The following PAXIP1 variants were observed in gnomAD, a reference collection of about 807,000 sequenced individuals.
PAXIP1 encodes the protein PAX-interacting protein 1.
Under a neutral mutation model 140.6 loss-of-function variants are expected in PAXIP1, and 19 were observed. That is an observed-to-expected ratio of 0.14 (90% confidence interval 0.09 to 0.20). PAXIP1 has a LOEUF of 0.20. Ranked by LOEUF, PAXIP1 falls within the 10% of genes least tolerant of loss-of-function variation. The pLI, the probability that PAXIP1 is intolerant of heterozygous loss-of-function variation, is 1.00. For missense variants in PAXIP1, 920 were observed against 1,208.6 expected (o/e 0.76, Z 3.54); for synonymous variants, 442 against 444.6 (o/e 0.99, Z 0.07).
At chr7:154,982,863 C>T (rs1247112436) in intron 5 of PAXIP1, among the ~76,000 whole-genome samples, 2 of 151,878 alleles carry the variant, frequency 1.3e-5, no homozygotes, top group Non-Finnish European at 2.9e-5. Context: ...ATACCTGATA[C>T]AAGGTTCTTA....
chr7:154,961,666 A>G lies in PAXIP1; in HGVS notation c.2128-18T>C. ...GAAATAATCTAAGAAAAAAAGAGAA[A>G]ATAAGGTAAACACAAAATAAGCAAA... On this transcript the variant is annotated intron_variant, in intron 10 of 20. Transcript: ENST00000404141. 1 of 1,565,892 alleles carries G rather than the reference A, an allele frequency of 6.4e-7. No individual in the cohort carries two copies. Among genetic ancestry groups the G allele is most frequent in the Non-Finnish European group, 8.7e-7 (1 of 1,155,898 alleles).
At chr7:154,964,134 C>T (rs1372909125) in intron 8 of PAXIP1, 1 of 175,194 alleles carries the variant, frequency 5.7e-6, no homozygotes. Flanking sequence ...CCACCCTATG[C>T]CAGCAGCAGC....
At chr7:154,994,682 T>C (rs1296813823) in intron 2 of PAXIP1, among the ~76,000 whole-genome samples, 1 of 152,166 alleles carries the variant, frequency 6.6e-6, no homozygotes, top group Non-Finnish European at 1.5e-5. Context: ...CCCCTTATCA[T>C]TTTTTAGATG....
chr7:154,980,395 T>TAC (rs34367535), intron 5 of PAXIP1, among the ~76,000 whole-genome samples: 1 of 90,096 alleles, frequency 1.1e-5, no homozygotes, highest in Non-Finnish European at 2.7e-5. Context: ...AATATATGCT[T>TAC]ATATATGTTA....
chr7:154,985,036 C>T (rs1455046648), intron 4 of PAXIP1, among the ~76,000 whole-genome samples: 2 of 152,104 alleles, frequency 1.3e-5, no homozygotes, highest in Non-Finnish European at 2.9e-5. Flanking sequence ...TGGAAAACTT[C>T]CATGACCCAG....
At chr7:154,958,636 T>A (rs1285028531) in intron 13 of PAXIP1, among the ~76,000 whole-genome samples, 1 of 152,218 alleles carries the variant, frequency 6.6e-6, no homozygotes, top group Non-Finnish European at 1.5e-5. Context: ...CAAATTGTCA[T>A]TCATTGGTAC....
chr7:154,990,362 CAT>C (rs1158087476), intron 4 of PAXIP1, among the ~76,000 whole-genome samples: 1 of 152,104 alleles, frequency 6.6e-6, no homozygotes, highest in African/African-American at 2.4e-5. Flanking sequence ...AGTTTCTAAA[CAT>C]AAAAGAAATG....
rs1252871600 is a variant in PAXIP1, at chr7:154,963,189, T to C, written c.1989+482A>G. On this transcript the variant is annotated intron_variant, in intron 9 of 20. Transcript: ENST00000404141. The surrounding 1 kb of genome is among the most constrained non-coding windows in gnomAD (Gnocchi z 4.1). The stretch of plus-strand genomic sequence containing the variant: ...GTCCGCCCTTTCTTTCTTTTATTTT[T>C]TTTTGAGATGGAGTCTCGCTGTGTC... Among the ~76,000 whole-genome samples, 3 of 151,852 alleles carry C rather than the reference T, an allele frequency of 2.0e-5. No homozygotes were observed. Among genetic ancestry groups the C allele is most frequent in the African/African-American group, 7.3e-5 (3 of 41,332 alleles).
At chr7:154,961,720 C>G in intron 10 of PAXIP1, 72 bp from the exon 11 acceptor site, 1 of 1,260,842 alleles carries the variant, frequency 7.9e-7, no homozygotes, top group Middle Eastern at 2.2e-4. Context: ...ATTTCTTCTA[C>G]TTCTTAGTTG....
intron 5 of PAXIP1, among the ~76,000 whole-genome samples, chr7:154,982,374 CAG>C (rs1159164381): frequency 6.6e-6 from 1 of 152,084 alleles, no homozygotes. Flanking sequence ...TTTTTTGAGA[CAG>C]AGTCTCACTC....
At chr7:154,996,463 G>A (rs1810617776) in intron 2 of PAXIP1, among the ~76,000 whole-genome samples, 1 of 152,334 alleles carries the variant, frequency 6.6e-6, no homozygotes, top group Non-Finnish European at 1.5e-5. Context: ...ACTGCTAATT[G>A]TATAAGTAAT....
rs937248645 is a variant in PAXIP1, at chr7:154,997,243, T to C, written c.216+1407A>G. Among the ~76,000 whole-genome samples the C allele has an allele frequency of 2.0e-5, 3 of 152,160 alleles. 1 individual carries two copies. The highest frequency in any genetic ancestry group is 1.3e-4 in the Admixed American group (2 of 15,282). On this transcript the variant is annotated intron_variant, in intron 2 of 20. Coordinates refer to ENST00000404141, the MANE Select transcript of PAXIP1 (RefSeq NM_007349.4). ...ATGGCAATCTTTCTATTTTTTTCCC[T>C]TTTTCTTTTTGTTTAAGAGATGGTG...
chr7:154,949,204 A>G (rs749585744), intron 16 of PAXIP1: 1 of 152,200 alleles, frequency 6.6e-6, no homozygotes, highest in South Asian at 2.1e-4. Context: ...AAGATGATAC[A>G]TATTTTAGGA....
rs1563366324 is a variant in PAXIP1 at position 154,959,935 on chromosome 7, TAA to T, written c.2435-4_2435-3del. ...CTTTTAAGGGAACTCTCCAAGCATC[TAA>T]AGAGAGAAACACATTATTTTTTATG... is the stretch of plus-strand genomic sequence containing the variant. On this transcript the variant is annotated splice_polypyrimidine_tract_variant and splice_region_variant and intron_variant, in intron 12 of 20. Coordinates refer to ENST00000404141, the MANE Select transcript of PAXIP1 (RefSeq NM_007349.4). 3 of 1,594,264 alleles carry T rather than the reference TAA, an allele frequency of 1.9e-6. No homozygotes were observed. The Admixed American group carries it at 5.0e-5, about 27-fold the overall frequency.
chr7:154,959,302 A>G (rs958170361), intron 13 of PAXIP1, among the ~76,000 whole-genome samples: 2 of 152,188 alleles, frequency 1.3e-5, no homozygotes, highest in African/African-American at 4.8e-5. Flanking sequence ...CCTTTAAATT[A>G]CACTACTACT....
rs770925306 is a variant in PAXIP1 at position 155,002,944 on chromosome 7, G to C, written c.-15C>G. 1.5e-5 allele frequency: 18 copies of C among 1,241,082 alleles called. No homozygotes were observed. In the Admixed American group the frequency reaches 3.5e-4, roughly 24 times the overall value. The allele number at this position is 1,241,082 out of a possible 1,614,324, so 76.9% of individuals were successfully genotyped here. A position where few individuals can be genotyped will look rare whatever the true frequency, so the allele number is the denominator to read the frequency against. ...TGGTCCGACATGATCGCGGCGGCCCGGGAGGCTCCGCGGCGGCGCCCGGCC... is the reference window on the plus strand; with the variant it reads ...TGGTCCGACATGATCGCGGCGGCCCCGGAGGCTCCGCGGCGGCGCCCGGCC... On this transcript the variant is annotated 5_prime_UTR_variant, in exon 1 of 21. Coordinates refer to ENST00000404141, the MANE Select transcript of PAXIP1 (RefSeq NM_007349.4).
intron 1 of PAXIP1, 92 bp downstream of exon 1, chr7:155,002,757 G>A (rs1463302964): frequency 3.6e-5 from 24 of 661,440 alleles, no homozygotes; most frequent in Non-Finnish European, 4.5e-5. Flanking sequence ...CGCCCGGCGC[G>A]CGCCCGCGGC....
chr7:154,976,056 G>A lies in PAXIP1; in HGVS notation c.714C>T (p.Ser238=). 1.3e-6 allele frequency: 2 copies of A among 1,595,930 alleles called. No individual in the cohort carries two copies. Among genetic ancestry groups the A allele is most frequent in the Non-Finnish European group, 1.7e-6 (2 of 1,169,962 alleles). Residue 238 remains serine (S), a synonymous_variant, in exon 6 of 21, where the codon TCC becomes TCT. Coordinates refer to ENST00000404141, the MANE Select transcript of PAXIP1 (RefSeq NM_007349.4). ...ATTCCCCTTTAGATTTTTCAGTGTTGGATTTAGGTGAAAACTGCTGGTCAC... is the reference window on the plus strand; with the variant it reads ...ATTCCCCTTTAGATTTTTCAGTGTTAGATTTAGGTGAAAACTGCTGGTCAC... The part of the protein sequence containing the change: ...PSGDQQFSPK[S]NTEKSKGELM...
chr7:154,961,847 C>A (rs746210930), intron 10 of PAXIP1, among the ~76,000 whole-genome samples, 199 bp from the exon 11 acceptor site: 5 of 152,148 alleles, frequency 3.3e-5, no homozygotes, highest in Admixed American at 6.5e-5. Flanking sequence ...ATAGCCCTCA[C>A]GGGGAGGAAG....
Sources: gnomAD v4.1 joint callset for allele counts (sites outside exome capture counted in the v4.1 genomes callset) on GRCh38, gnomAD v4.1.1 for gene constraint, Gnocchi (gnomAD v3.1) non-coding constraint, MANE v1.5 for transcripts, NCBI Gene and HGNC (gene_info 2026-07-23, HGNC 2026-07-21) for gene names.